CRYM: variants seen among roughly 807,000 people sequenced by gnomAD.
CRYM encodes the protein crystallin mu.
CRYM carries 18 observed loss-of-function variants against 32.9 expected under a neutral mutation model. The ratio of observed to expected loss-of-function variants is 0.55; its 90% confidence interval spans 0.38 to 0.81. The LOEUF (loss-of-function observed/expected upper bound fraction) is 0.81. CRYM is among the 30% of genes least tolerant of loss of function. The pLI, the probability that CRYM is intolerant of heterozygous loss-of-function variation, is 0.00. For synonymous variants in CRYM, 153 were observed against 152.4 expected, an observed-to-expected ratio of 1.00 and a Z score of -0.03; for missense variants, 337 against 393.5, an observed-to-expected ratio of 0.86 and a Z score of 1.21.
intron 3 of CRYM, among the ~76,000 whole-genome samples, chr16:21,273,766 G>A (rs1413022877): frequency 6.6e-6 from 1 of 152,142 alleles, no homozygotes; most frequent in Non-Finnish European, 1.5e-5. Context: ...ACAGAAACTC[G>A]TAGTCCAGAC....
chr16:21,268,575 C>T (rs1195340658), intron 4 of CRYM: 1 of 152,166 alleles, frequency 6.6e-6, no homozygotes, highest in Non-Finnish European at 1.5e-5. Flanking sequence ...TAAGCAAGTT[C>T]ACCAAGCAAG....
At chr16:21,284,037 G>GT (rs2093403259) in intron 1 of CRYM, 1 of 152,226 alleles carries the variant, frequency 6.6e-6, no homozygotes, top group African/African-American at 2.4e-5. Context: ...CGCTGCTCCA[G>GT]ACGCCAGGGG....
Position 21,278,273 on chromosome 16 carries a change from C to T in CRYM, c.-22G>A. Reference sequence around the variant, plus strand: ...TCATCTCGCCACCTGTGCCTTCTAACCTCAGTCTCCGCACCGCGATCCACG... The same window carrying T: ...TCATCTCGCCACCTGTGCCTTCTAATCTCAGTCTCCGCACCGCGATCCACG... On this transcript the variant is annotated 5_prime_UTR_variant, in exon 1 of 8. Coordinates refer to ENST00000572914, the MANE Select transcript of CRYM (RefSeq NM_001376256.1). 6.3e-7 allele frequency: 1 copy of T among 1,575,614 alleles called. No homozygotes were observed. Among genetic ancestry groups the T allele is most frequent in the South Asian group, 1.2e-5 (1 of 86,596 alleles).
chr16:21,261,372 A>G, intron 6 of CRYM, 34 bp from the exon 7 acceptor site: 8 of 1,580,110 alleles, frequency 5.1e-6, no homozygotes, highest in Non-Finnish European at 7.0e-6. Context: ...CCAGGCATGA[A>G]GCTAAAGTCT....
chr16:21,302,441 A>C (rs1036631793), intron 1 of CRYM, among the ~76,000 whole-genome samples: 23 of 152,228 alleles, frequency 1.5e-4, no homozygotes, highest in African/African-American at 5.5e-4. Context: ...TCCTTTGTGA[A>C]AGCATAAATT....
At chr16:21,293,586 G>C (rs1292279057) in intron 1 of CRYM, among the ~76,000 whole-genome samples, 1 of 152,214 alleles carries the variant, frequency 6.6e-6, no homozygotes, top group Non-Finnish European at 1.5e-5. Flanking sequence ...TTAATTTGGA[G>C]GTTAGAGAGA....
intron 3 of CRYM, among the ~76,000 whole-genome samples, chr16:21,272,960 G>A (rs1374080903): frequency 1.3e-5 from 2 of 149,830 alleles, no homozygotes; most frequent in African/African-American, 2.5e-5. Flanking sequence ...GAGCCACTGC[G>A]CCCAGCCTAT....
At chr16:21,266,428 G>T (rs976623780) in intron 5 of CRYM, among the ~76,000 whole-genome samples, 1 of 152,072 alleles carries the variant, frequency 6.6e-6, no homozygotes, top group African/African-American at 2.4e-5. Context: ...GACAGCACCT[G>T]CAGTAGTATT....
chr16:21,292,740 G>GATAT (rs1421020460), intron 1 of CRYM, among the ~76,000 whole-genome samples: 1 of 85,910 alleles, frequency 1.2e-5, no homozygotes, highest in Non-Finnish European at 2.6e-5. Flanking sequence ...TGGATGGATG[G>GATAT]ATAGATAGAT....
chr16:21,286,467 C>T (rs1442550082), intron 1 of CRYM, among the ~76,000 whole-genome samples: 1 of 151,006 alleles, frequency 6.6e-6, no homozygotes, highest in African/African-American at 2.4e-5. Context: ...CCTCAGGTGA[C>T]CCACCCGCCT....
At chr16:21,284,031 G>C (rs1420332925) in intron 1 of CRYM, 1 of 152,228 alleles carries the variant, frequency 6.6e-6, no homozygotes, top group Non-Finnish European at 1.5e-5. Flanking sequence ...GCTGGCCGCT[G>C]CTCCAGACGC....
At chr16:21,266,222 T>A (rs1413149920) in intron 5 of CRYM, among the ~76,000 whole-genome samples, 1 of 151,846 alleles carries the variant, frequency 6.6e-6, no homozygotes, top group Non-Finnish European at 1.5e-5. Flanking sequence ...AGACTCCATC[T>A]CAAACAAACA....
At chr16:21,270,390 T>C (rs1041586325) in intron 3 of CRYM, among the ~76,000 whole-genome samples, 2 of 152,162 alleles carry the variant, frequency 1.3e-5, no homozygotes, top group Non-Finnish European at 2.9e-5. Context: ...TTCCAGTGAT[T>C]ATCCTACCTC....
chr16:21,281,294 A>G (rs2093397874), upstream of CRYM, among the ~76,000 whole-genome samples: 1 of 151,246 alleles, frequency 6.6e-6, no homozygotes, highest in Admixed American at 6.6e-5. Context: ...CCTCTCTGTC[A>G]CCCAGACTGG....
At chr16:21,276,061 C>T (rs1018424725) in intron 2 of CRYM, among the ~76,000 whole-genome samples, 1 of 152,188 alleles carries the variant, frequency 6.6e-6, no homozygotes, top group Admixed American at 6.5e-5. Context: ...TGCTCAGATA[C>T]CACCCTTAGA....
At chr16:21,294,338 TA>T (rs1960737558) in intron 1 of CRYM, among the ~76,000 whole-genome samples, 1 of 152,164 alleles carries the variant, frequency 6.6e-6, no homozygotes, top group East Asian at 1.9e-4. Context: ...AAATTATTAT[TA>T]TTTTTTTAAA....
intron 3 of CRYM, among the ~76,000 whole-genome samples, chr16:21,273,963 A>G (rs2093381099): frequency 6.6e-6 from 1 of 152,166 alleles, no homozygotes; most frequent in African/African-American, 2.4e-5. Flanking sequence ...CTCCCTTCGC[A>G]TACAATTACC....
intron 5 of CRYM, among the ~76,000 whole-genome samples, chr16:21,265,117 A>T (rs908019984): frequency 3.9e-5 from 6 of 152,254 alleles, no homozygotes; most frequent in South Asian, 4.2e-4. Context: ...TTTCACCATG[A>T]ACTGGTTCCT....
upstream of CRYM, among the ~76,000 whole-genome samples, chr16:21,282,431 G>T (rs1029979556): frequency 7.4e-5 from 11 of 148,906 alleles, no homozygotes; most frequent in South Asian, 2.1e-4. Flanking sequence ...AAATTGTGTG[G>T]TTTTTTTTTT....
Sources: gnomAD v4.1 joint callset for allele counts (sites outside exome capture counted in the v4.1 genomes callset) on GRCh38, gnomAD v4.1.1 for gene constraint, MANE v1.5 for transcripts, NCBI Gene and HGNC (gene_info 2026-07-23, HGNC 2026-07-21) for gene names.